Variants in RIMS1 observed in about 807,000 individuals in gnomAD.
RIMS1 encodes the protein regulating synaptic membrane exocytosis protein 1.
RIMS1 carries 83 observed loss-of-function variants against 214.1 expected under a neutral mutation model. The observed-to-expected ratio is 0.39, with a 90% confidence interval of 0.32 to 0.47. The LOEUF is 0.47. Among genes scored for constraint, RIMS1 ranks in the 20% least tolerant of loss-of-function variants. The pLI is 0.99. For synonymous variants in RIMS1, 793 were observed against 786.8 expected, an observed-to-expected ratio of 1.01 and a Z score of -0.13; for missense variants, 2,050 against 2,161.8, an observed-to-expected ratio of 0.95 and a Z score of 1.03.
At chr6:72,176,931 T>C (rs555514100) in intron 4 of RIMS1, among the ~76,000 whole-genome samples, 2 of 152,216 alleles carry the variant, frequency 1.3e-5, no homozygotes, top group Non-Finnish European at 2.9e-5. Context: ...GTAGCAGTTC[T>C]GCACATACTC....
At chr6:71,905,475 GGCAACT>G (rs1242939826) in intron 1 of RIMS1, among the ~76,000 whole-genome samples, 2 of 152,194 alleles carry the variant, frequency 1.3e-5, no homozygotes, top group East Asian at 3.9e-4. Flanking sequence ...GCCAGGACCA[GGCAACT>G]GCAGGAGATG....
intron 6 of RIMS1, among the ~76,000 whole-genome samples, chr6:72,192,085 G>A (rs1588869592): frequency 6.6e-6 from 1 of 152,348 alleles, no homozygotes. Flanking sequence ...GTACGTCTGT[G>A]CCAATTATGC....
intron 4 of RIMS1, among the ~76,000 whole-genome samples, chr6:72,103,228 G>T (rs1453894573): frequency 6.6e-6 from 1 of 152,066 alleles, no homozygotes; most frequent in Non-Finnish European, 1.5e-5. Context: ...ACATCAAATT[G>T]CAGAAACTTT....
intron 2 of RIMS1, among the ~76,000 whole-genome samples, chr6:71,992,498 T>TC (rs1227579123): frequency 2.0e-5 from 3 of 150,256 alleles, no homozygotes; most frequent in African/African-American, 7.4e-5. Flanking sequence ...CCCTTCTTTT[T>TC]CTTCTTCTCC....
chr6:72,025,978 ACCT>A (rs1816321626), intron 2 of RIMS1, among the ~76,000 whole-genome samples: 1 of 152,130 alleles, frequency 6.6e-6, no homozygotes, highest in Admixed American at 6.5e-5. Flanking sequence ...ATGGCAGCTA[ACCT>A]CCTCTAGAGC....
intron 2 of RIMS1, among the ~76,000 whole-genome samples, chr6:72,031,997 T>A (rs897451099): frequency 6.6e-6 from 1 of 152,080 alleles, no homozygotes; most frequent in African/African-American, 2.4e-5. Context: ...GAGAAAACAA[T>A]GAGGAATATA....
chr6:72,168,885 T>C (rs2046645600), intron 4 of RIMS1, among the ~76,000 whole-genome samples: 2 of 152,154 alleles, frequency 1.3e-5, no homozygotes, highest in African/African-American at 2.4e-5. Context: ...GCCCTGCTCA[T>C]GTCTGTCTAC....
intron 6 of RIMS1, chr6:72,216,840 GTTAA>G (rs1463846443): frequency 4.0e-6 from 4 of 1,007,044 alleles, no homozygotes; most frequent in Non-Finnish European, 4.7e-6. Flanking sequence ...TTAGGAAATG[GTTAA>G]TTGAGGAGCT....
intron 4 of RIMS1, among the ~76,000 whole-genome samples, chr6:72,150,573 C>CATAG (rs1452395481): frequency 6.6e-6 from 1 of 152,164 alleles, no homozygotes; most frequent in East Asian, 1.9e-4. Flanking sequence ...CCTCATTAAT[C>CATAG]ATAGATACAG....
At chr6:72,171,505 T>C (rs2047031291) in intron 4 of RIMS1, among the ~76,000 whole-genome samples, 1 of 152,124 alleles carries the variant, frequency 6.6e-6, no homozygotes, top group African/African-American at 2.4e-5. Context: ...ATAATGCTGA[T>C]AATGCTTACT....
chr6:72,347,162 A>C (rs2154364548), intron 29 of RIMS1, among the ~76,000 whole-genome samples: 1 of 151,682 alleles, frequency 6.6e-6, no homozygotes, highest in South Asian at 2.1e-4. Context: ...CATAGATAAG[A>C]CTCTTTATAT....
chr6:72,321,777 G>A (rs542354052), intron 28 of RIMS1, among the ~76,000 whole-genome samples: 1 of 152,144 alleles, frequency 6.6e-6, no homozygotes, highest in East Asian at 1.9e-4. Flanking sequence ...TATTATCTAA[G>A]ATTTTTTTGT....
chr6:72,235,691 C>T lies in RIMS1; in HGVS notation c.1820C>T (p.Thr607Ile). ...IGRVILNKRT[T>I]MPKDSGALLG... ...CGTGTTATTCTTAACAAGAGAACAACCATGCCCAAAGACTCAGGTGCATTG... is the reference window on the plus strand; with the variant it reads ...CGTGTTATTCTTAACAAGAGAACAATCATGCCCAAAGACTCAGGTGCATTG... Residue 607 changes from threonine (T) to isoleucine (I), a missense_variant, in exon 8 of 34, where the codon ACC becomes ATC. Physicochemically the swap from Thr to Ile is moderately conservative, Grantham distance 89 (BLOSUM62 -1). Transcript: ENST00000521978. The T allele has an allele frequency of 3.1e-6, 5 of 1,609,170 alleles. No individual in the cohort carries two copies. Among genetic ancestry groups the T allele is most frequent in the Non-Finnish European group, 4.2e-6 (5 of 1,177,428 alleles).
intron 2 of RIMS1, among the ~76,000 whole-genome samples, chr6:72,047,955 C>T (rs1485463802): frequency 2.0e-5 from 3 of 152,102 alleles, no homozygotes; most frequent in African/African-American, 7.2e-5. Context: ...GGATTCAAAC[C>T]CATCACTACT....
intron 1 of RIMS1, among the ~76,000 whole-genome samples, chr6:71,957,699 C>T (rs916893991): frequency 2.0e-5 from 3 of 150,224 alleles, no homozygotes; most frequent in Admixed American, 6.6e-5. Context: ...ATTTTACAAC[C>T]CTCAAGAACA....
At chr6:72,133,195 T>C (rs2040726725) in intron 4 of RIMS1, among the ~76,000 whole-genome samples, 1 of 151,952 alleles carries the variant, frequency 6.6e-6, no homozygotes, top group African/African-American at 2.4e-5. Flanking sequence ...ACTCATAGTT[T>C]ATTCATAGCT....
chr6:72,275,573 T>C (rs1253407566), intron 23 of RIMS1, among the ~76,000 whole-genome samples: 2 of 152,152 alleles, frequency 1.3e-5, no homozygotes, highest in Admixed American at 1.3e-4. Context: ...TTTTAGCATC[T>C]TTTAATCTCT....
At chr6:72,082,489 T>C (rs775122356) in intron 2 of RIMS1, among the ~76,000 whole-genome samples, 5 of 152,146 alleles carry the variant, frequency 3.3e-5, no homozygotes, top group Non-Finnish European at 5.9e-5. Context: ...ACTTGCCAGA[T>C]CAGAAGCTAA....
chr6:71,972,665 A>G (rs1249719416), intron 2 of RIMS1, among the ~76,000 whole-genome samples: 2 of 152,316 alleles, frequency 1.3e-5, no homozygotes, highest in African/African-American at 2.4e-5. Context: ...CTGGAGTTCA[A>G]TGAATTGAGT....
Sources: allele counts gnomAD v4.1 joint callset (sites outside exome capture counted in the v4.1 genomes callset), GRCh38; gene constraint gnomAD v4.1.1; transcripts MANE v1.5; gene names NCBI Gene and HGNC (gene_info 2026-07-23, HGNC 2026-07-21).